SMG6: variants seen among roughly 807,000 people sequenced by gnomAD.
SMG6 encodes the protein SMG6 nonsense mediated mRNA decay factor.
In SMG6, 66 loss-of-function variants were observed where a neutral mutation model predicts 142.2. That is an observed-to-expected ratio of 0.46 (90% confidence interval 0.38 to 0.57). The LOEUF is 0.57. Ranked by LOEUF, SMG6 falls within the 20% of genes least tolerant of loss-of-function variation. The pLI, the probability that SMG6 is intolerant of heterozygous loss-of-function variation, is 0.00. For synonymous variants in SMG6, 779 were observed against 702.4 expected, an observed-to-expected ratio of 1.11 and a Z score of -1.72; for missense variants, 1,793 against 1,832.0, an observed-to-expected ratio of 0.98 and a Z score of 0.39.
intron 13 of SMG6, among the ~76,000 whole-genome samples, chr17:2,165,342 T>C (rs1050528846): frequency 1.3e-5 from 2 of 152,060 alleles, no homozygotes; most frequent in African/African-American, 4.8e-5. Flanking sequence ...AGCTCCACTG[T>C]ATACAGAACA....
intron 10 of SMG6, among the ~76,000 whole-genome samples, chr17:2,200,311 C>G (rs1426982045): frequency 1.3e-5 from 2 of 152,150 alleles, no homozygotes; most frequent in South Asian, 4.2e-4. Context: ...AAAAGGGATT[C>G]AACCTGCATA....
chr17:2,073,563 G>C (rs1251285362), intron 15 of SMG6, among the ~76,000 whole-genome samples: 1 of 151,654 alleles, frequency 6.6e-6, no homozygotes, highest in African/African-American at 2.4e-5. Context: ...ACAAAAATTA[G>C]CTGGACGTGG....
rs188998638 is a variant in SMG6, at chr17:2,164,064, A to G, written c.3357+8594T>C. Among the ~76,000 whole-genome samples, 6 of 151,602 alleles carry G rather than the reference A, an allele frequency of 4.0e-5. No individual in the cohort carries two copies. In the East Asian group the frequency reaches 7.8e-4, roughly 20 times the overall value. On this transcript the variant is annotated intron_variant, in intron 13 of 18. Transcript: ENST00000263073. ...GCGACAGAGAAAAACTCTGTCTCAG[A>G]AAACAAGGACGACAATGACAGGGTG...
rs184576146 is a variant in SMG6 at position 2,289,875 on chromosome 17, C to T, written c.2337+2677G>A. On this transcript the variant is annotated intron_variant, in intron 6 of 18. Coordinates refer to ENST00000263073, the MANE Select transcript of SMG6 (RefSeq NM_017575.5). ...TTACAGTAAGCCGAGACTACTGCAG[C>T]GCTGCACTCCGGCCTGCGCAACAAA... Among the ~76,000 whole-genome samples, 326 of 150,648 alleles carry T rather than the reference C, an allele frequency of 2.2e-3. 5 individuals carry two copies. The highest frequency in any genetic ancestry group is 7.1e-3 in the African/African-American group (293 of 40,996).
intron 10 of SMG6, among the ~76,000 whole-genome samples, chr17:2,225,158 C>T (rs1228969188): frequency 1.3e-5 from 2 of 151,842 alleles, no homozygotes; most frequent in Non-Finnish European, 2.9e-5. Context: ...GTCTGAAATG[C>T]AAAAGTGAAT....
chr17:2,186,141 T>G (rs1246323689), intron 12 of SMG6, among the ~76,000 whole-genome samples: 1 of 151,014 alleles, frequency 6.6e-6, no homozygotes, highest in African/African-American at 2.4e-5. Context: ...GGCAGGAGGA[T>G]CACATGAGCT....
rs546399043 is a variant in SMG6 at position 2,287,926 on chromosome 17, T to A, written c.2338-4191A>T. Among the ~76,000 whole-genome samples, 7 of 152,284 alleles carry A rather than the reference T, an allele frequency of 4.6e-5. No homozygotes were observed. In the East Asian group the frequency reaches 1.4e-3, roughly 29 times the overall value. Reference sequence around the variant, plus strand: ...GAAGTGGGAGCTGTTATTTAATAGATATGGAGTTCCAGTTTTGTAAAATGA... The same window carrying A: ...GAAGTGGGAGCTGTTATTTAATAGAAATGGAGTTCCAGTTTTGTAAAATGA... On this transcript the variant is annotated intron_variant, in intron 6 of 18. Transcript: ENST00000263073.
chr17:2,190,771 G>C (rs551371247), intron 10 of SMG6, among the ~76,000 whole-genome samples: 13 of 152,284 alleles, frequency 8.5e-5, no homozygotes, highest in Non-Finnish European at 1.2e-4. Context: ...CCTTGGTGAC[G>C]GTTATGTCAC....
chr17:2,223,461 G>A (rs963693335), intron 10 of SMG6, among the ~76,000 whole-genome samples: 1 of 152,172 alleles, frequency 6.6e-6, no homozygotes, highest in African/African-American at 2.4e-5. Flanking sequence ...CTTCTGAAAA[G>A]GAAACTGAGA....
chr17:2,060,059 A>G lies in SMG6; in HGVS notation c.*1433T>C, dbSNP rs980140754. 6.5e-6 allele frequency: 1 copy of G among 152,762 alleles called. No homozygotes were observed. The highest frequency in any genetic ancestry group is 1.5e-5 in the Non-Finnish European group (1 of 68,518). The allele number at this position is 152,762 out of a possible 1,614,324, so 9.5% of individuals were successfully genotyped here. On this transcript the variant is annotated 3_prime_UTR_variant, in exon 19 of 19. Coordinates refer to ENST00000263073, the MANE Select transcript of SMG6 (RefSeq NM_017575.5). ...CCAAACTACTGGCCTTGGCTCCCCT[A>G]CACGGTACCCCATCGCTTCTGGCAT...
intron 13 of SMG6, among the ~76,000 whole-genome samples, chr17:2,147,645 G>C (rs2070708267): frequency 6.6e-6 from 1 of 152,092 alleles, no homozygotes; most frequent in African/African-American, 2.4e-5. Context: ...ACTGAGAAAG[G>C]AGAAATTATA....
At chr17:2,092,158 G>A (rs758183075) in intron 13 of SMG6, among the ~76,000 whole-genome samples, 1 of 152,204 alleles carries the variant, frequency 6.6e-6, no homozygotes, top group Non-Finnish European at 1.5e-5. Context: ...GCTAATTTAT[G>A]TATTTTCAGT....
At chr17:2,175,471 T>C (rs1232072493) in intron 12 of SMG6, among the ~76,000 whole-genome samples, 2 of 151,884 alleles carry the variant, frequency 1.3e-5, no homozygotes, top group Non-Finnish European at 2.9e-5. Flanking sequence ...GATGAAGAAA[T>C]ATGTGGTACC....
At chr17:2,066,342 G>A (rs1009316659) in intron 16 of SMG6, among the ~76,000 whole-genome samples, 9 of 150,530 alleles carry the variant, frequency 6.0e-5, no homozygotes, top group African/African-American at 2.0e-4. Context: ...ATGTGTATGC[G>A]TGTATGTGTG....
intron 13 of SMG6, chr17:2,117,579 G>A (rs1436823768): frequency 3.9e-5 from 6 of 152,002 alleles, no homozygotes; most frequent in Admixed American, 2.6e-4. Flanking sequence ...ATGTATTTAG[G>A]AATAAACTTA....
intron 13 of SMG6, among the ~76,000 whole-genome samples, chr17:2,099,914 G>A (rs6503245): frequency 0.31 from 46,949 of 152,122 alleles, 8,936 homozygotes; most frequent in African/African-American, 0.54. Context: ...CCAGGCTGGA[G>A]TGCAGTGGTG....
intron 18 of SMG6, 163 bp from the exon 19 acceptor site, chr17:2,061,785 G>C: frequency 1.3e-6 from 1 of 796,420 alleles, no homozygotes; most frequent in Non-Finnish European, 2.0e-6. Flanking sequence ...CAGCCCCGGG[G>C]ACCCTCCCCT....
At chr17:2,121,306 A>G (rs2760738) in intron 13 of SMG6, among the ~76,000 whole-genome samples, 53,963 of 152,036 alleles carry the variant, frequency 0.35, 10,271 homozygotes, top group African/African-American at 0.49. Flanking sequence ...ACTACTCAGC[A>G]ATAAAAAGGA....
At position 2,279,385 on chromosome 17, in the gene SMG6, G is replaced by C. The variant is rs142770227; in HGVS notation, c.2661+3262C>G. ...GAGCCAGATCATGAGGAGCCTAGTG[G>C]ACTATGTCGAGGATTTTAGACCTGA... is the stretch of plus-strand genomic sequence containing the variant. On this transcript the variant is annotated intron_variant, in intron 8 of 18. Transcript: ENST00000263073. Among the ~76,000 whole-genome samples, 591 of 152,294 alleles carry C rather than the reference G, an allele frequency of 3.9e-3. 1 individual carries two copies. Among genetic ancestry groups the C allele is most frequent in the African/African-American group, 0.013 (553 of 41,548 alleles).
Sources: allele counts gnomAD v4.1 joint callset (sites outside exome capture counted in the v4.1 genomes callset), GRCh38; gene constraint gnomAD v4.1.1; transcripts MANE v1.5; gene names NCBI Gene and HGNC (gene_info 2026-07-23, HGNC 2026-07-21).